The following DLGAP2 variants were observed in gnomAD, a reference collection of about 807,000 sequenced individuals.
The protein encoded by DLGAP2 is disks large-associated protein 2.
In DLGAP2, 26 loss-of-function variants were observed where a neutral mutation model predicts 100.3. That is an observed-to-expected ratio of 0.26 (90% CI 0.19 to 0.36). The LOEUF (loss-of-function observed/expected upper bound fraction) is 0.36, where lower values mean the gene tolerates loss of function less well. Ranked by LOEUF, DLGAP2 falls within the 10% of genes least tolerant of loss-of-function variation. DLGAP2 has a pLI of 1.00. For synonymous variants in DLGAP2, 886 were observed against 630.1 expected, an observed-to-expected ratio of 1.41 and a Z score of -6.08; for missense variants, 1,858 against 1,453.2, an observed-to-expected ratio of 1.28 and a Z score of -4.53.
At chr8:1,685,210 G>C (rs1324189955) in intron 12 of DLGAP2, among the ~76,000 whole-genome samples, 1 of 152,220 alleles carries the variant, frequency 6.6e-6, no homozygotes, top group African/African-American at 2.4e-5. Flanking sequence ...AAAGAGCCCA[G>C]AGAGACTCTG....
intron 3 of DLGAP2, among the ~76,000 whole-genome samples, chr8:1,339,009 C>T (rs1801356697): frequency 6.6e-6 from 1 of 150,786 alleles, no homozygotes; most frequent in Admixed American, 6.6e-5. Context: ...GCAGGGAATG[C>T]AGTGACCTAA....
At chr8:1,663,703 G>T (rs1394258826) in intron 8 of DLGAP2, among the ~76,000 whole-genome samples, 1 of 152,146 alleles carries the variant, frequency 6.6e-6, no homozygotes, top group East Asian at 1.9e-4. Context: ...CTGTGAGTCT[G>T]TGGATCCTGT....
chr8:1,349,780 G>T (rs1801664611), intron 3 of DLGAP2, among the ~76,000 whole-genome samples: 1 of 152,228 alleles, frequency 6.6e-6, no homozygotes, highest in African/African-American at 2.4e-5. Flanking sequence ...TAGACCACTG[G>T]TGACTTTACA....
At chr8:1,231,372 C>G (rs1450541719) in intron 2 of DLGAP2, among the ~76,000 whole-genome samples, 1 of 152,166 alleles carries the variant, frequency 6.6e-6, no homozygotes. Context: ...AAAGGGAATG[C>G]TTATATCCTG....
chr8:1,196,296 C>G (rs1321029811), intron 2 of DLGAP2, among the ~76,000 whole-genome samples: 1 of 152,248 alleles, frequency 6.6e-6, no homozygotes, highest in Non-Finnish European at 1.5e-5. Flanking sequence ...TGTCCACACA[C>G]TGCAGTGACA....
At chr8:875,584 C>G (rs1352714733) in intron 1 of DLGAP2, among the ~76,000 whole-genome samples, 2 of 152,184 alleles carry the variant, frequency 1.3e-5, no homozygotes, top group African/African-American at 4.8e-5. Flanking sequence ...TTGGGCCTCC[C>G]TAGCCCTGCT....
intron 2 of DLGAP2, among the ~76,000 whole-genome samples, chr8:1,204,915 T>G (rs1797957635): frequency 6.6e-6 from 1 of 152,212 alleles, no homozygotes; most frequent in South Asian, 2.1e-4. Flanking sequence ...CAGGGCTGTT[T>G]GCCTGGAACA....
chr8:813,939 A>G (rs1474039928), intron 1 of DLGAP2, among the ~76,000 whole-genome samples: 1 of 152,174 alleles, frequency 6.6e-6, no homozygotes, highest in East Asian at 1.9e-4. Context: ...TGAATAGATG[A>G]TAAAAAGTAC....
In DLGAP2 at chr8:1,246,493, C is replaced by G. The variant is rs183285280; in HGVS notation, c.74-12358C>G. 1.1e-4 allele frequency among the ~76,000 whole-genome samples: 17 copies of G among 152,302 alleles called. No individual in the cohort carries two copies. In the East Asian group the frequency reaches 3.1e-3, roughly 28 times the overall value. The stretch of plus-strand genomic sequence containing the variant: ...CCTCCTCTCACTGAGGGGAGCAGCA[C>G]AGAGCCATTGGATTTGGGAATTCAT... On this transcript the variant is annotated intron_variant, in intron 2 of 14. Transcript: ENST00000637795.
intron 2 of DLGAP2, among the ~76,000 whole-genome samples, chr8:1,177,796 C>T (rs758885727): frequency 2.6e-5 from 4 of 152,126 alleles, no homozygotes; most frequent in Non-Finnish European, 5.9e-5. Flanking sequence ...TCACAGGGTA[C>T]AAGGGGTGAG....
chr8:1,290,322 C>T (rs1800030543), intron 3 of DLGAP2, among the ~76,000 whole-genome samples: 1 of 152,216 alleles, frequency 6.6e-6, no homozygotes, highest in African/African-American at 2.4e-5. Context: ...ATTTACAACA[C>T]ACCTGCAGTT....
At chr8:816,681 T>C (rs866998235) in intron 1 of DLGAP2, among the ~76,000 whole-genome samples, 4 of 152,226 alleles carry the variant, frequency 2.6e-5, no homozygotes, top group Non-Finnish European at 4.4e-5. Context: ...TTGGATAACC[T>C]GATGACTATG....
At chr8:897,013 C>A (rs1485094589) in intron 1 of DLGAP2, among the ~76,000 whole-genome samples, 1 of 152,148 alleles carries the variant, frequency 6.6e-6, no homozygotes, top group African/African-American at 2.4e-5. Flanking sequence ...CTGTTCTTGC[C>A]TCAGTGCCAC....
intron 1 of DLGAP2, among the ~76,000 whole-genome samples, chr8:788,893 G>A (rs1002346817): frequency 6.6e-6 from 1 of 152,144 alleles, no homozygotes; most frequent in Non-Finnish European, 1.5e-5. Flanking sequence ...CGTTTTCCTG[G>A]TGAGACACCT....
intron 1 of DLGAP2, among the ~76,000 whole-genome samples, chr8:800,731 T>A (rs910393536): frequency 2.6e-5 from 4 of 152,088 alleles, no homozygotes; most frequent in Non-Finnish European, 5.9e-5. Flanking sequence ...GGTGTTTGTG[T>A]GTATGTGTAT....
chr8:775,269 T>C (rs1045505198), intron 1 of DLGAP2, among the ~76,000 whole-genome samples: 8 of 152,184 alleles, frequency 5.3e-5, no homozygotes, highest in East Asian at 1.9e-4. Context: ...TGGGGTTTTC[T>C]AGATATACAA....
chr8:1,424,255 G>T (rs1797179223), intron 3 of DLGAP2, among the ~76,000 whole-genome samples: 2 of 152,184 alleles, frequency 1.3e-5, no homozygotes, highest in Non-Finnish European at 2.9e-5. Flanking sequence ...ACAGCAAAAG[G>T]GGGTCCCTTC....
At chr8:916,909 C>G (rs889794402) in intron 2 of DLGAP2, among the ~76,000 whole-genome samples, 3 of 152,106 alleles carry the variant, frequency 2.0e-5, no homozygotes, top group Admixed American at 6.5e-5. Context: ...GCACTGATGC[C>G]CGGGAGGGCA....
intron 3 of DLGAP2, among the ~76,000 whole-genome samples, chr8:1,443,767 C>G (rs1434905908): frequency 6.6e-6 from 1 of 152,074 alleles, no homozygotes; most frequent in African/African-American, 2.4e-5. Context: ...CCTCGTGATT[C>G]AATTATCTCC....
Sources: allele counts gnomAD v4.1 joint callset (sites outside exome capture counted in the v4.1 genomes callset), GRCh38; gene constraint gnomAD v4.1.1; transcripts MANE v1.5; gene names NCBI Gene and HGNC (gene_info 2026-07-23, HGNC 2026-07-21).